Variants in NALCN observed in about 807,000 individuals in gnomAD.
NALCN encodes the protein sodium leak channel NALCN.
In NALCN, 111 loss-of-function variants were observed where a neutral mutation model predicts 225.3. The observed-to-expected ratio is 0.49, with a 90% CI of 0.42 to 0.58. The LOEUF (loss-of-function observed/expected upper bound fraction) is 0.58, where lower values mean the gene tolerates loss of function less well. NALCN is among the 20% of genes least tolerant of loss of function. The pLI, the probability that NALCN is intolerant of heterozygous loss-of-function variation, is 0.00. For synonymous variants in NALCN, 764 were observed against 769.0 expected, an observed-to-expected ratio of 0.99 and a Z score of 0.11; for missense variants, 1,378 against 2,202.4, an observed-to-expected ratio of 0.63 and a Z score of 7.49.
chr13:101,162,532 A>G (rs2038240085), intron 15 of NALCN, among the ~76,000 whole-genome samples: 1 of 152,228 alleles, frequency 6.6e-6, no homozygotes, highest in Non-Finnish European at 1.5e-5. Context: ...AAACCTCACT[A>G]TTCTAACTCC....
chr13:101,398,067 G>T (rs2047366841), intron 2 of NALCN, among the ~76,000 whole-genome samples: 1 of 152,204 alleles, frequency 6.6e-6, no homozygotes, highest in South Asian at 2.1e-4. Context: ...ACACAGGAAA[G>T]GAGCAGTTGC....
chr13:101,177,021 C>T (rs1426264585), intron 14 of NALCN, among the ~76,000 whole-genome samples: 2 of 152,124 alleles, frequency 1.3e-5, no homozygotes, highest in African/African-American at 4.8e-5. Context: ...CTTGGTCTCT[C>T]CTAGATCACC....
At chr13:101,372,114 T>G (rs1301991842) in intron 6 of NALCN, among the ~76,000 whole-genome samples, 3 of 152,034 alleles carry the variant, frequency 2.0e-5, no homozygotes, top group Admixed American at 1.3e-4. Context: ...GGAAAAAAAT[T>G]CAAAATTCAT....
At chr13:101,405,466 T>C (rs2047591546) in intron 1 of NALCN, among the ~76,000 whole-genome samples, 2 of 152,194 alleles carry the variant, frequency 1.3e-5, no homozygotes, top group South Asian at 4.1e-4. Flanking sequence ...CATTTGAGCC[T>C]CAGAGCTACT....
intron 7 of NALCN, among the ~76,000 whole-genome samples, chr13:101,325,452 G>A (rs751923453): frequency 4.6e-5 from 7 of 152,154 alleles, no homozygotes; most frequent in Non-Finnish European, 8.8e-5. Context: ...AAATCCTCTT[G>A]AATTTTGCCC....
intron 14 of NALCN, among the ~76,000 whole-genome samples, chr13:101,179,577 C>G (rs908372291): frequency 3.9e-5 from 6 of 152,180 alleles, no homozygotes; most frequent in Middle Eastern, 3.4e-3. Context: ...AGTTTAAGGT[C>G]AAGGTTACCC....
chr13:101,393,149 C>G (rs979927245), intron 3 of NALCN, among the ~76,000 whole-genome samples: 1 of 152,156 alleles, frequency 6.6e-6, no homozygotes. Flanking sequence ...CTAACACACA[C>G]AGAGTGGCCA....
intron 15 of NALCN, among the ~76,000 whole-genome samples, chr13:101,160,024 G>A (rs1237576772): frequency 1.3e-5 from 2 of 151,992 alleles, no homozygotes; most frequent in East Asian, 1.9e-4. Flanking sequence ...GTGCGATCTC[G>A]GCTCACTGCA....
chr13:101,262,399 G>A (rs1486686406), intron 10 of NALCN, among the ~76,000 whole-genome samples: 1 of 152,146 alleles, frequency 6.6e-6, no homozygotes, highest in Non-Finnish European at 1.5e-5. Flanking sequence ...AGAGAGTGGA[G>A]GCTGAAGGCC....
intron 13 of NALCN, among the ~76,000 whole-genome samples, chr13:101,220,439 T>C (rs1303288162): frequency 6.6e-6 from 1 of 152,232 alleles, no homozygotes; most frequent in African/African-American, 2.4e-5. Flanking sequence ...GATGCTTTAT[T>C]TGATTAGGGA....
At chr13:101,414,522 C>T (rs60354495) in intron 1 of NALCN, among the ~76,000 whole-genome samples, 5,287 of 142,622 alleles carry the variant, frequency 0.037, 276 homozygotes, top group African/African-American at 0.12. Flanking sequence ...TTTGTGTATA[C>T]ACATACATGC....
At chr13:101,180,372 C>CT (rs35502882) in intron 14 of NALCN, 2,390 of 128,190 alleles carry the variant, frequency 0.019, 33 homozygotes, top group Middle Eastern at 0.051. Flanking sequence ...TGCCTGGCTA[C>CT]TTTTTTTTTT....
chr13:101,263,723 T>TGA (rs1555325713), intron 10 of NALCN, among the ~76,000 whole-genome samples: 1 of 152,228 alleles, frequency 6.6e-6, no homozygotes, highest in Non-Finnish European at 1.5e-5. Context: ...CAATGGATTT[T>TGA]GATACACTAT....
chr13:101,123,622 A>T (rs943819740), intron 18 of NALCN, among the ~76,000 whole-genome samples: 13 of 152,160 alleles, frequency 8.5e-5, no homozygotes, highest in African/African-American at 2.4e-4. Context: ...TATGACAGCT[A>T]CTCCAACACA....
chr13:101,321,682 C>T (rs1030893898), intron 7 of NALCN, among the ~76,000 whole-genome samples: 10 of 151,990 alleles, frequency 6.6e-5, no homozygotes, highest in Admixed American at 2.6e-4. Context: ...AAATAAAATA[C>T]GTGATAGTCA....
In NALCN at chr13:101,236,553, C is replaced by T. The variant is rs574929278; in HGVS notation, c.1434+1202G>A. Reference sequence around the variant, plus strand: ...GATAGACTGGATTAAGAAAATGTGGCGCATATACACCATGGAATACTATGC... The same window carrying T: ...GATAGACTGGATTAAGAAAATGTGGTGCATATACACCATGGAATACTATGC... On this transcript the variant is annotated intron_variant, in intron 12 of 43. Transcript: ENST00000251127. Among the ~76,000 whole-genome samples the T allele has an allele frequency of 3.9e-3, 586 of 152,050 alleles. 1 individual carries two copies. The highest frequency in any genetic ancestry group is 8.9e-3 in the African/African-American group (368 of 41,480).
Position 101,065,593 on chromosome 13 carries a change from A to G in NALCN, c.4447-32T>C. 1.9e-6 allele frequency: 3 copies of G among 1,607,416 alleles called. 1 individual carries two copies. The East Asian group carries it at 6.7e-5, about 36-fold the overall frequency. ...GGCAGAGCACAAGAAGTAGCAAATC[A>G]TCAGGCCTCGATGATTCACTTGGGT... On this transcript the variant is annotated intron_variant, in intron 39 of 43. Transcript: ENST00000251127.
chr13:101,064,822 C>A (rs950325272), intron 40 of NALCN, among the ~76,000 whole-genome samples: 1 of 152,172 alleles, frequency 6.6e-6, no homozygotes, highest in Admixed American at 6.5e-5. Flanking sequence ...TGCTAAGTTA[C>A]AGTAGCCCAA....
intron 1 of NALCN, among the ~76,000 whole-genome samples, chr13:101,415,950 C>T (rs1293493174): frequency 6.6e-6 from 1 of 152,206 alleles, no homozygotes; most frequent in Non-Finnish European, 1.5e-5. Flanking sequence ...GATGCCCAGG[C>T]GGGGCAGGCC....
Sources: allele counts gnomAD v4.1 joint callset (sites outside exome capture counted in the v4.1 genomes callset), GRCh38; gene constraint gnomAD v4.1.1; transcripts MANE v1.5; gene names NCBI Gene and HGNC (gene_info 2026-07-23, HGNC 2026-07-21).